Variants in BEGAIN observed in about 807,000 individuals in gnomAD.
BEGAIN encodes the protein brain-enriched guanylate kinase-associated protein.
BEGAIN carries 19 observed loss-of-function variants against 35.8 expected under a neutral mutation model. The observed-to-expected ratio is 0.53, with a 90% CI of 0.37 to 0.78. The LOEUF is 0.78. Among genes scored for constraint, BEGAIN ranks in the 30% least tolerant of loss-of-function variants. The probability of loss-of-function intolerance (pLI) is 0.00; values close to 1 mark genes in which losing one functional copy is unlikely to be tolerated. For missense variants in BEGAIN, 795 were observed against 853.6 expected (o/e 0.93, Z 0.85); for synonymous variants, 462 against 388.6 (o/e 1.19, Z -2.22).
chr14:100,578,614 C>A (rs2035252692), intron 1 of BEGAIN, among the ~76,000 whole-genome samples: 1 of 152,190 alleles, frequency 6.6e-6, no homozygotes, highest in South Asian at 2.1e-4. Context: ...TGACTGCTGG[C>A]AGAACTCTGC....
rs114584530 is a variant in BEGAIN at position 100,560,922 on chromosome 14, C to T, written c.71+6989G>A. On this transcript the variant is annotated intron_variant, in intron 2 of 6. Coordinates refer to ENST00000554140, the MANE Select transcript of BEGAIN (RefSeq NM_001385089.1). ...TCCATCAGGGGATGGAGCATGAGGCCTCTCTCAGGTTGCTTTGCAGACACG... is the reference window on the plus strand; with the variant it reads ...TCCATCAGGGGATGGAGCATGAGGCTTCTCTCAGGTTGCTTTGCAGACACG... Among the ~76,000 whole-genome samples the T allele has an allele frequency of 5.1e-3, 772 of 152,314 alleles. 2 individuals are homozygous for T. Among genetic ancestry groups the T allele is most frequent in the African/African-American group, 0.017 (691 of 41,572 alleles).
intron 2 of BEGAIN, among the ~76,000 whole-genome samples, chr14:100,554,398 C>T (rs1370876309): frequency 1.3e-5 from 2 of 152,166 alleles, no homozygotes; most frequent in African/African-American, 4.8e-5. Flanking sequence ...CCTCTTCGGT[C>T]GTGGCTCTCA....
chr14:100,551,270 C>A (rs140347501), intron 2 of BEGAIN, among the ~76,000 whole-genome samples: 1 of 152,188 alleles, frequency 6.6e-6, no homozygotes, highest in Non-Finnish European at 1.5e-5. Flanking sequence ...GAGGACACAG[C>A]GCCCAGACGA....
intron 2 of BEGAIN, among the ~76,000 whole-genome samples, chr14:100,559,515 A>G (rs1477532018): frequency 6.6e-6 from 1 of 152,218 alleles, no homozygotes; most frequent in Non-Finnish European, 1.5e-5. Context: ...AGAGGTCGCA[A>G]TTCAGCACTT....
Position 100,538,486 on chromosome 14 carries a change from C to G in BEGAIN, c.1322G>C (p.Ser441Thr), listed in dbSNP as rs374433002. 32 of 1,555,126 alleles carry G rather than the reference C, an allele frequency of 2.1e-5. 1 individual carries two copies. The African/African-American group carries it at 4.4e-4, about 21-fold the overall frequency. ...GGAGTAGGCGCCGATGTCCTCCACG[C>G]TCAGGGGACGCCACTGGCCCCTCAT... ...EDMRGQWRPLSVEDIGAYSYP... is the reference protein window; with the variant it reads ...EDMRGQWRPLTVEDIGAYSYP... Residue 441 changes from serine to threonine, a missense_variant, in exon 7 of 7, where the codon AGC (serine) becomes ACC (threonine). Transcript: ENST00000554140.
Position 100,567,862 on chromosome 14 carries a change from C to T in BEGAIN, c.71+49G>A, listed in dbSNP as rs2034840008. 2 of 1,455,302 alleles carry T rather than the reference C, an allele frequency of 1.4e-6. No homozygotes were observed. Among genetic ancestry groups the T allele is most frequent in the Middle Eastern group, 2.1e-4 (1 of 4,676 alleles). 90.1% of individuals were successfully genotyped at this position (1,455,302 alleles called of 1,614,324 possible). A position where few individuals can be genotyped will look rare whatever the true frequency, so the allele number is the denominator to read the frequency against. On this transcript the variant is annotated intron_variant, in intron 2 of 6. Coordinates refer to ENST00000554140, the MANE Select transcript of BEGAIN (RefSeq NM_001385089.1). This position sits in a 1 kb window ranked among gnomAD's most constrained non-coding sequence, Gnocchi z 5.1. The stretch of plus-strand genomic sequence containing the variant: ...TCCCCCGCCTTCCCCAGCGCCCTCA[C>T]CCCCGACCCGGCCCCCGCGAGCCGC...
At chr14:100,581,664 G>A (rs2035317908) in intron 1 of BEGAIN, among the ~76,000 whole-genome samples, 1 of 152,358 alleles carries the variant, frequency 6.6e-6, no homozygotes, top group East Asian at 1.9e-4. Context: ...ACCCGTCGGA[G>A]GTCACATGGC....
chr14:100,568,308 C>T lies in BEGAIN; in HGVS notation c.43-369G>A, dbSNP rs2034894595. On this transcript the variant is annotated intron_variant, in intron 1 of 6. Transcript: ENST00000554140. The surrounding 1 kb of genome is among the most constrained non-coding windows in gnomAD (Gnocchi z 7.5). ...CTCCGGCGGCCGCGGCCCCGCTGCT[C>T]CCCCCGCCCCGCCCGTTAACCCTTC... is the stretch of plus-strand genomic sequence containing the variant. 5 of 718,938 alleles carry T rather than the reference C, an allele frequency of 7.0e-6. No homozygotes were observed. The highest frequency in any genetic ancestry group is 1.9e-5 in the African/African-American group (1 of 53,320). The allele number at this position is 718,938 out of a possible 1,614,324, so 44.5% of individuals were successfully genotyped here.
At chr14:100,580,587 C>T (rs1487392614) in intron 1 of BEGAIN, among the ~76,000 whole-genome samples, 1 of 152,182 alleles carries the variant, frequency 6.6e-6, no homozygotes, top group Admixed American at 6.5e-5. Context: ...TCCCAGCTGA[C>T]CTTCAGGGTC....
rs966237875 is a variant in BEGAIN at position 100,560,271 on chromosome 14, C to T, written c.71+7640G>A. On this transcript the variant is annotated intron_variant, in intron 2 of 6. Coordinates refer to ENST00000554140, the MANE Select transcript of BEGAIN (RefSeq NM_001385089.1). ...CCGGGGATCATCCCGGCGGCCCTAC[C>T]GCACTCTGAGCTGACAACCTCAGAG... Among the ~76,000 whole-genome samples, 42 of 152,192 alleles carry T rather than the reference C, an allele frequency of 2.8e-4. 1 individual carries two copies. The highest frequency in any genetic ancestry group is 2.5e-3 in the Admixed American group (38 of 15,286).
At chr14:100,569,112 G>C (rs1278906039) in intron 1 of BEGAIN, 1 of 185,668 alleles carries the variant, frequency 5.4e-6, no homozygotes, top group Non-Finnish European at 1.0e-5. Context: ...GCTCGGGCCG[G>C]CCTTCCGGCG....
At chr14:100,575,426 A>G (rs917329908) in intron 1 of BEGAIN, among the ~76,000 whole-genome samples, 6 of 152,036 alleles carry the variant, frequency 3.9e-5, no homozygotes, top group Non-Finnish European at 5.9e-5. Flanking sequence ...AGTTATCTCT[A>G]ATGTCCCCAT....
intron 2 of BEGAIN, chr14:100,550,469 G>A (rs2033078734): frequency 2.5e-6 from 1 of 399,258 alleles, no homozygotes; most frequent in Non-Finnish European, 4.4e-6. Flanking sequence ...TGCAGTACTC[G>A]GGGCTGCCCG....
intron 3 of BEGAIN, chr14:100,545,376 C>G (rs2032234262): frequency 8.3e-7 from 1 of 1,199,202 alleles, no homozygotes. Flanking sequence ...ACACGCGGAG[C>G]CAGTTTACTC....
chr14:100,567,797 G>T lies in BEGAIN; in HGVS notation c.71+114C>A, dbSNP rs2139714135. 8.9e-7 allele frequency: 1 copy of T among 1,120,848 alleles called. No homozygotes were observed. Among genetic ancestry groups the T allele is most frequent in the Non-Finnish European group, 1.2e-6 (1 of 855,578 alleles). 69.4% of individuals were successfully genotyped at this position (1,120,848 alleles called of 1,614,324 possible). On this transcript the variant is annotated intron_variant, in intron 2 of 6. Coordinates refer to ENST00000554140, the MANE Select transcript of BEGAIN (RefSeq NM_001385089.1). The surrounding 1 kb of genome is among the most constrained non-coding windows in gnomAD (Gnocchi z 5.1). ...CCTGGCCCGCAGCCCCGCCGAGGCC[G>T]CCCGCGGGCCCTGGGGGATGCGCTC...
rs1164699903 is a variant in BEGAIN, at chr14:100,567,392, G to A, written c.71+519C>T. Among the ~76,000 whole-genome samples the A allele has an allele frequency of 6.6e-6, 1 of 152,112 alleles. No homozygotes were observed. The highest frequency in any genetic ancestry group is 1.9e-4 in the East Asian group (1 of 5,160). ...AAATGGCTCCAAGACGCGGCTGCCT[G>A]GTCCAGCCGCGAGGACTCCATCCCC... On this transcript the variant is annotated intron_variant, in intron 2 of 6. Transcript: ENST00000554140. The surrounding 1 kb of genome is among the most constrained non-coding windows in gnomAD (Gnocchi z 5.1).
intron 1 of BEGAIN, among the ~76,000 whole-genome samples, chr14:100,569,948 C>T (rs1276839790): frequency 1.3e-5 from 2 of 152,164 alleles, no homozygotes; most frequent in East Asian, 3.9e-4. Context: ...CATAGCGCTT[C>T]CCACGGCTCC....
Position 100,558,030 on chromosome 14 carries a change from A to G in BEGAIN, c.71+9881T>C, listed in dbSNP as rs904503856. Among the ~76,000 whole-genome samples, 3 of 152,012 alleles carry G rather than the reference A, an allele frequency of 2.0e-5. No homozygotes were observed. Among genetic ancestry groups the G allele is most frequent in the Non-Finnish European group, 2.9e-5 (2 of 67,968 alleles). On this transcript the variant is annotated intron_variant, in intron 2 of 6. Transcript: ENST00000554140. This position sits in a 1 kb window ranked among gnomAD's most constrained non-coding sequence, Gnocchi z 4.6. Reference sequence around the variant, plus strand: ...TGGACCGTGGCCACTGGCTTCCCCCAGCTGCAGGTGGGGCTCCAGCTAGTC... The same window carrying G: ...TGGACCGTGGCCACTGGCTTCCCCCGGCTGCAGGTGGGGCTCCAGCTAGTC...
chr14:100,578,704 G>T (rs1231282540), intron 1 of BEGAIN, among the ~76,000 whole-genome samples: 1 of 152,156 alleles, frequency 6.6e-6, no homozygotes, highest in Non-Finnish European at 1.5e-5. Flanking sequence ...GGAAGTGATG[G>T]CTGGAGCTGT....
Sources: gnomAD v4.1 joint callset for allele counts (sites outside exome capture counted in the v4.1 genomes callset) on GRCh38, gnomAD v4.1.1 for gene constraint, Gnocchi (gnomAD v3.1) non-coding constraint, MANE v1.5 for transcripts, NCBI Gene and HGNC (gene_info 2026-07-23, HGNC 2026-07-21) for gene names.